SLC4A10: variants seen among roughly 807,000 people sequenced by gnomAD.
The protein encoded by SLC4A10 is solute carrier family 4 member 10.
A neutral mutation model predicts 137.7 loss-of-function variants in SLC4A10; 42 were observed. The observed-to-expected ratio is 0.30, with a 90% CI of 0.24 to 0.39. The LOEUF is 0.39. SLC4A10 is among the 10% of genes least tolerant of loss of function. The pLI, the probability that SLC4A10 is intolerant of heterozygous loss-of-function variation, is 1.00. For synonymous variants in SLC4A10, 474 were observed against 464.1 expected (o/e 1.02, Z -0.27); for missense variants, 925 against 1,355.0 (o/e 0.68, Z 4.98).
At chr2:161,675,968 A>T (rs2040236142) in intron 1 of SLC4A10, among the ~76,000 whole-genome samples, 1 of 152,210 alleles carries the variant, frequency 6.6e-6, no homozygotes, top group African/African-American at 2.4e-5. Context: ...ATTTTTATTT[A>T]AAATCAGAAT....
chr2:161,740,592 T>C (rs1398795933), intron 1 of SLC4A10, among the ~76,000 whole-genome samples: 3 of 152,166 alleles, frequency 2.0e-5, no homozygotes, highest in African/African-American at 7.2e-5. Flanking sequence ...GAGTTGTTAC[T>C]GGGAGGTGCT....
chr2:161,757,848 T>C (rs1398483524), intron 1 of SLC4A10, among the ~76,000 whole-genome samples: 2 of 152,110 alleles, frequency 1.3e-5, no homozygotes, highest in African/African-American at 4.8e-5. Flanking sequence ...ATAAATGAAG[T>C]TCTTCTAAAT....
intron 1 of SLC4A10, among the ~76,000 whole-genome samples, chr2:161,671,791 A>G (rs1022915561): frequency 6.6e-6 from 1 of 152,250 alleles, no homozygotes; most frequent in Non-Finnish European, 1.5e-5. Context: ...AATTATAGTT[A>G]TAGTGCTAGG....
intron 2 of SLC4A10, among the ~76,000 whole-genome samples, chr2:161,795,627 A>T (rs1048916920): frequency 6.6e-6 from 1 of 152,136 alleles, no homozygotes; most frequent in Non-Finnish European, 1.5e-5. Flanking sequence ...TAAGTATACA[A>T]TGCAGTATTG....
intron 4 of SLC4A10, among the ~76,000 whole-genome samples, chr2:161,849,696 A>G (rs1452679581): frequency 6.6e-6 from 1 of 152,330 alleles, no homozygotes; most frequent in East Asian, 1.9e-4. Context: ...TATGTAATAA[A>G]TAACATTTAT....
chr2:161,876,642 C>G (rs981455227), intron 8 of SLC4A10, among the ~76,000 whole-genome samples: 11 of 152,122 alleles, frequency 7.2e-5, no homozygotes, highest in African/African-American at 2.7e-4. Context: ...TGGGATCGCA[C>G]CACTGCACTC....
intron 1 of SLC4A10, among the ~76,000 whole-genome samples, chr2:161,635,408 C>T (rs943217517): frequency 6.6e-6 from 1 of 152,058 alleles, no homozygotes; most frequent in African/African-American, 2.4e-5. Context: ...GTTGTCATTC[C>T]TTGGCCCTCC....
chr2:161,698,136 G>C (rs2042739316), intron 1 of SLC4A10, among the ~76,000 whole-genome samples: 1 of 152,176 alleles, frequency 6.6e-6, no homozygotes, highest in South Asian at 2.1e-4. Flanking sequence ...AAGAATGCTT[G>C]TGATTTTTCC....
At chr2:161,706,427 C>T (rs768451846) in intron 1 of SLC4A10, among the ~76,000 whole-genome samples, 8 of 151,478 alleles carry the variant, frequency 5.3e-5, no homozygotes, top group Non-Finnish European at 1.0e-4. Context: ...ACATTCAATC[C>T]CTGAATTCTA....
intron 12 of SLC4A10, among the ~76,000 whole-genome samples, chr2:161,903,640 C>T (rs1043560658): frequency 6.6e-6 from 1 of 152,072 alleles, no homozygotes; most frequent in African/African-American, 2.4e-5. Context: ...GAAATACTGC[C>T]AATGATTGAG....
intron 1 of SLC4A10, among the ~76,000 whole-genome samples, chr2:161,729,325 A>T (rs533266027): frequency 4.3e-4 from 66 of 152,294 alleles, no homozygotes; most frequent in African/African-American, 1.4e-3. Flanking sequence ...AACCAAACTC[A>T]TAAAACTGGT....
At chr2:161,702,625 A>G (rs2043242462) in intron 1 of SLC4A10, among the ~76,000 whole-genome samples, 1 of 151,828 alleles carries the variant, frequency 6.6e-6, no homozygotes, top group Non-Finnish European at 1.5e-5. Flanking sequence ...TCAATGAGTA[A>G]AATAGCTTGC....
At chr2:161,851,358 A>T (rs984771504) in intron 4 of SLC4A10, among the ~76,000 whole-genome samples, 15 of 152,126 alleles carry the variant, frequency 9.9e-5, no homozygotes, top group African/African-American at 3.6e-4. Context: ...TCTCTTCCTA[A>T]GTCTCTAAGA....
chr2:161,774,847 C>A (rs1054838595), intron 2 of SLC4A10, among the ~76,000 whole-genome samples: 1 of 151,848 alleles, frequency 6.6e-6, no homozygotes, highest in Admixed American at 6.6e-5. Flanking sequence ...TCAACAGACT[C>A]CCTCAACACA....
chr2:161,680,741 G>T (rs1423407323), intron 1 of SLC4A10, among the ~76,000 whole-genome samples: 1 of 151,982 alleles, frequency 6.6e-6, no homozygotes, highest in African/African-American at 2.4e-5. Context: ...TATATTAATG[G>T]TATACAATGT....
Position 161,951,221 on chromosome 2 carries a change from C to G in SLC4A10, c.2541+373C>G, listed in dbSNP as rs556873068. Reference sequence around the variant, plus strand: ...TTCCTCTATTTAACCCTAAATGTATCTATTACATTGAATTCATTATCAGAA... The same window carrying G: ...TTCCTCTATTTAACCCTAAATGTATGTATTACATTGAATTCATTATCAGAA... On this transcript the variant is annotated intron_variant, in intron 19 of 26. Coordinates refer to ENST00000446997, the MANE Select transcript of SLC4A10 (RefSeq NM_001178015.2). Among the ~76,000 whole-genome samples the G allele has an allele frequency of 2.4e-4, 37 of 152,274 alleles. No individual in the cohort carries two copies. In the East Asian group the frequency reaches 7.1e-3, roughly 29 times the overall value.
chr2:161,925,357 G>A (rs1177207999), intron 15 of SLC4A10, among the ~76,000 whole-genome samples: 1 of 152,106 alleles, frequency 6.6e-6, no homozygotes, highest in African/African-American at 2.4e-5. Context: ...AGTATTCTCT[G>A]ATGGTAGTTT....
At chr2:161,647,375 T>G (rs967081807) in intron 1 of SLC4A10, among the ~76,000 whole-genome samples, 3 of 152,116 alleles carry the variant, frequency 2.0e-5, no homozygotes, top group Admixed American at 6.5e-5. Flanking sequence ...AAATATTAAT[T>G]GATAATCAAG....
chr2:161,674,063 A>G (rs565183575), intron 1 of SLC4A10, among the ~76,000 whole-genome samples: 1 of 152,338 alleles, frequency 6.6e-6, no homozygotes, highest in East Asian at 1.9e-4. Context: ...AAGTTTTAAT[A>G]CAACAATCAC....
Sources: gnomAD v4.1 joint callset for allele counts (sites outside exome capture counted in the v4.1 genomes callset) on GRCh38, gnomAD v4.1.1 for gene constraint, MANE v1.5 for transcripts, NCBI Gene and HGNC (gene_info 2026-07-23, HGNC 2026-07-21) for gene names.